The following ZBTB40 variants were observed in gnomAD, a reference collection of about 807,000 sequenced individuals.
ZBTB40 encodes zinc finger and BTB domain-containing protein 40.
In ZBTB40, 60 loss-of-function variants were observed where a neutral mutation model predicts 117.5. The observed-to-expected ratio is 0.51, with a 90% CI of 0.41 to 0.63. ZBTB40 has a LOEUF of 0.63. ZBTB40 is among the 30% of genes least tolerant of loss of function. The probability of loss-of-function intolerance (pLI) is 0.00; values close to 1 mark genes in which losing one functional copy is unlikely to be tolerated. For synonymous variants in ZBTB40, 525 were observed against 577.1 expected (o/e 0.91, Z 1.29); for missense variants, 1,287 against 1,498.5 (o/e 0.86, Z 2.33).
At chr1:22,439,320 TC>T (rs1640706543) in intron 1 of ZBTB40, among the ~76,000 whole-genome samples, 1 of 152,366 alleles carries the variant, frequency 6.6e-6, no homozygotes, top group South Asian at 2.1e-4. Flanking sequence ...TTTATTTTTT[TC>T]ATGCACAAAA....
rs780816560 is a variant in ZBTB40 at position 22,502,320 on chromosome 1, C to T, written c.1046C>T (p.Thr349Ile). The change falls in exon 5 of 18, where the codon ACC becomes ATC. Residue 349 changes from threonine to isoleucine, a missense_variant. Physicochemically the swap from Thr to Ile is moderately conservative, Grantham distance 89. This residue lies in a region of ZBTB40 where 870 missense variants were observed against 934.4 expected (regional missense o/e 0.93). Transcript: ENST00000375647. ...QPKGSTEEGK[T>I]LSVLLLEHKE... is the part of the protein sequence containing the mutation. ...CCAGGGAGCACAGAGGAGGGAAAGA[C>T]CTTGTCTGTTCTGTTACTAGAACAC... 1.2e-6 allele frequency: 2 copies of T among 1,613,680 alleles called. No individual in the cohort carries two copies. The highest frequency in any genetic ancestry group is 1.6e-4 in the Middle Eastern group (1 of 6,064).
intron 1 of ZBTB40, among the ~76,000 whole-genome samples, chr1:22,435,018 ATTT>A (rs200374120): frequency 2.1e-5 from 3 of 139,880 alleles, no homozygotes; most frequent in Non-Finnish European, 3.1e-5. Flanking sequence ...TCCTTCATTA[ATTT>A]TTTTTTTTTT....
At chr1:22,470,967 TCA>T (rs1029524494) in intron 1 of ZBTB40, among the ~76,000 whole-genome samples, 6 of 152,260 alleles carry the variant, frequency 3.9e-5, no homozygotes, top group Non-Finnish European at 8.8e-5. Flanking sequence ...TTGAATTTTT[TCA>T]CAGATAACTG....
intron 6 of ZBTB40, among the ~76,000 whole-genome samples, chr1:22,507,671 G>GCC (rs1410040618): frequency 1.3e-5 from 2 of 152,236 alleles, no homozygotes; most frequent in East Asian, 3.9e-4. Flanking sequence ...TCTACCTCAG[G>GCC]CTTGACAAAC....
intron 1 of ZBTB40, among the ~76,000 whole-genome samples, chr1:22,477,721 C>T (rs986972773): frequency 6.6e-6 from 1 of 151,840 alleles, no homozygotes; most frequent in Admixed American, 6.6e-5. Flanking sequence ...ATATATTACT[C>T]ATCATAATAA....
At chr1:22,448,786 G>A (rs932670776), upstream of ZBTB40, among the ~76,000 whole-genome samples, 2 of 148,924 alleles carry the variant, frequency 1.3e-5, no homozygotes, top group East Asian at 2.0e-4. Flanking sequence ...AGGAGAAGTC[G>A]TGGTGGTTGT....
rs568546285 is a variant in ZBTB40, at chr1:22,530,245, C to G, written c.*3849C>G. The G allele has an allele frequency of 6.6e-6, 1 of 152,142 alleles. No homozygotes were observed. Among genetic ancestry groups the G allele is most frequent in the African/African-American group, 2.4e-5 (1 of 41,400 alleles). The allele number at this position is 152,142 out of a possible 1,614,324, so 9.4% of individuals were successfully genotyped here. A position where few individuals can be genotyped will look rare whatever the true frequency, so the allele number is the denominator to read the frequency against. On this transcript the variant is annotated 3_prime_UTR_variant, in exon 18 of 18. Transcript: ENST00000375647. ...GTGAGTTCAGCACCCCAGCCCTGTTCTGCTTGTATCCCAGTGATACTTGGG... is the reference window on the plus strand; with the variant it reads ...GTGAGTTCAGCACCCCAGCCCTGTTGTGCTTGTATCCCAGTGATACTTGGG...
Position 22,518,213 on chromosome 1 carries a change from GC to G in ZBTB40, c.2833+750del, listed in dbSNP as rs142415276. 8.8e-4 allele frequency among the ~76,000 whole-genome samples: 134 copies of G among 152,324 alleles called. 3 individuals are homozygous for G. In the East Asian group the frequency reaches 0.021, roughly 23 times the overall value. ...GCACAGCACAGCAGGGGAGTTAAGAGCTTGGAGTCTGGAATCACACAGGCTT... is the reference window on the plus strand; with the variant it reads ...GCACAGCACAGCAGGGGAGTTAAGAGTTGGAGTCTGGAATCACACAGGCTT... On this transcript the variant is annotated intron_variant, in intron 13 of 17. Coordinates refer to ENST00000375647, the MANE Select transcript of ZBTB40 (RefSeq NM_014870.4).
intron 1 of ZBTB40, among the ~76,000 whole-genome samples, chr1:22,463,426 G>A (rs1443713413): frequency 2.6e-5 from 4 of 152,168 alleles, no homozygotes; most frequent in African/African-American, 9.7e-5. Context: ...CTTAGTTATC[G>A]TCCGTGTTTT....
chr1:22,442,532 C>T (rs1364586036), intron 1 of ZBTB40, among the ~76,000 whole-genome samples: 1 of 152,076 alleles, frequency 6.6e-6, no homozygotes. Context: ...TTAACTTTAC[C>T]ACATATCATC....
chr1:22,436,609 T>G (rs1172303491), intron 1 of ZBTB40, among the ~76,000 whole-genome samples: 2 of 152,166 alleles, frequency 1.3e-5, no homozygotes, highest in Non-Finnish European at 2.9e-5. Flanking sequence ...TTCACACAGG[T>G]GAATGAATAC....
chr1:22,435,478 C>G (rs1640658357), intron 1 of ZBTB40, among the ~76,000 whole-genome samples: 1 of 152,150 alleles, frequency 6.6e-6, no homozygotes, highest in South Asian at 2.1e-4. Context: ...ACATCTCTCT[C>G]TCTCTCTCTC....
At chr1:22,486,975 TCCGC>T (rs1638488998) in intron 1 of ZBTB40, among the ~76,000 whole-genome samples, 1 of 152,098 alleles carries the variant, frequency 6.6e-6, no homozygotes, top group African/African-American at 2.4e-5. Flanking sequence ...CCTCAAGTGA[TCCGC>T]CCGCCTCAGC....
At chr1:22,453,113 T>C (rs1640922612) in intron 1 of ZBTB40, among the ~76,000 whole-genome samples, 1 of 152,222 alleles carries the variant, frequency 6.6e-6, no homozygotes, top group African/African-American at 2.4e-5. Context: ...TTTCAAGTCT[T>C]TTCTACCTGG....
intron 1 of ZBTB40, among the ~76,000 whole-genome samples, chr1:22,477,354 A>C (rs2124412911): frequency 6.6e-6 from 1 of 152,330 alleles, no homozygotes; most frequent in African/African-American, 2.4e-5. Flanking sequence ...TTAAGTGTGA[A>C]TACACCCACA....
intron 1 of ZBTB40, among the ~76,000 whole-genome samples, chr1:22,474,698 G>T (rs143921647): frequency 1.3e-5 from 2 of 152,234 alleles, no homozygotes; most frequent in East Asian, 3.9e-4. Flanking sequence ...AACAGACTAG[G>T]ATCAGAGAGC....
intron 5 of ZBTB40, among the ~76,000 whole-genome samples, chr1:22,503,113 CT>C (rs11449962): frequency 1.7e-4 from 25 of 146,898 alleles, no homozygotes; most frequent in Admixed American, 2.7e-4. Context: ...CATTAGTATC[CT>C]TTTTTTTTTT....
rs376737772 is a variant in ZBTB40, at chr1:22,526,361, G to A, written c.3685G>A (p.Gly1229Ser). ...GGTGACTGTGGAGGACTTGCTGGAT[G>A]GCACAGTGACGCTGATCTGTGGTGA... ...VAVTVEDLLD[G>S]TVTLICGEAK Residue 1229 changes from glycine (G) to serine (S), a missense_variant, in exon 18 of 18, where the codon GGC (glycine) becomes AGC (serine). By Grantham distance (56) the Gly-to-Ser change is moderately conservative. Transcript: ENST00000375647. 2.1e-4 allele frequency: 333 copies of A among 1,614,060 alleles called. No homozygotes were observed. Among genetic ancestry groups the A allele is most frequent in the Non-Finnish European group, 2.8e-4 (329 of 1,180,042 alleles).
At chr1:22,502,164 G>A (rs912025310) in intron 4 of ZBTB40, 135 bp from the exon 5 acceptor site, 8 of 1,011,838 alleles carry the variant, frequency 7.9e-6, no homozygotes, top group South Asian at 7.0e-5. Context: ...CTGTAAAAGC[G>A]ATTCTGCATT....
Sources: allele counts gnomAD v4.1 joint callset (sites outside exome capture counted in the v4.1 genomes callset), GRCh38; gene constraint gnomAD v4.1.1; regional missense constraint gnomAD v4.1.1; transcripts MANE v1.5; gene names NCBI Gene and HGNC (gene_info 2026-07-23, HGNC 2026-07-21).